PLCXD3: variants seen among roughly 807,000 people sequenced by gnomAD.
The protein encoded by PLCXD3 is PI-PLC X domain-containing protein 3.
In PLCXD3, 19 loss-of-function variants were observed where a neutral mutation model predicts 25.5. The observed-to-expected ratio is 0.75, with a 90% CI of 0.52 to 1.09. The LOEUF (loss-of-function observed/expected upper bound fraction) is 1.09, where lower values mean the gene tolerates loss of function less well. Ranked by LOEUF, PLCXD3 falls within the 50% of genes least tolerant of loss-of-function variation. The pLI is 0.00. For missense variants in PLCXD3, 411 were observed against 388.1 expected (o/e 1.06, Z -0.50); for synonymous variants, 174 against 137.6 (o/e 1.26, Z -1.85).
At chr5:41,360,941 G>T (rs1353986791) in intron 2 of PLCXD3, among the ~76,000 whole-genome samples, 1 of 152,180 alleles carries the variant, frequency 6.6e-6, no homozygotes, top group Non-Finnish European at 1.5e-5. Context: ...GGTTTCTCAG[G>T]CCATGGGAAG....
intron 2 of PLCXD3, among the ~76,000 whole-genome samples, chr5:41,330,795 G>A (rs900338275): frequency 7.2e-4 from 109 of 152,154 alleles, no homozygotes; most frequent in African/African-American, 2.5e-3. Context: ...TTCAATATAT[G>A]CAAATCAATA....
At chr5:41,445,449 G>T (rs1421412532) in intron 1 of PLCXD3, among the ~76,000 whole-genome samples, 1 of 152,080 alleles carries the variant, frequency 6.6e-6, no homozygotes, top group Non-Finnish European at 1.5e-5. Flanking sequence ...TCAAAAAGTG[G>T]GGCATTCAGA....
rs160965 is a variant in PLCXD3 at position 41,376,137 on chromosome 5, A to G, written c.812+5689T>C. ...TCCTGAAAATTCTACCTTACACTCA[A>G]GATGATCACTGTGATGATGAGACTA... On this transcript the variant is annotated intron_variant, in intron 2 of 2. Transcript: ENST00000377801. Among the ~76,000 whole-genome samples, 334 of 152,176 alleles carry G rather than the reference A, an allele frequency of 2.2e-3. 2 individuals are homozygous for G. The highest frequency in any genetic ancestry group is 7.6e-3 in the African/African-American group (316 of 41,536).
intron 1 of PLCXD3, among the ~76,000 whole-genome samples, chr5:41,469,431 A>G (rs1264622173): frequency 1.3e-5 from 2 of 150,888 alleles, no homozygotes; most frequent in African/African-American, 2.4e-5. Context: ...GCTTCAAAAC[A>G]TTTAATATTA....
chr5:41,488,556 G>A (rs1748575178), intron 1 of PLCXD3, among the ~76,000 whole-genome samples: 1 of 140,886 alleles, frequency 7.1e-6, no homozygotes, highest in Non-Finnish European at 1.5e-5. Context: ...CAGTGTAAAA[G>A]TATTCCTATT....
intron 1 of PLCXD3, among the ~76,000 whole-genome samples, chr5:41,414,297 C>T (rs780724426): frequency 4.6e-5 from 7 of 151,816 alleles, no homozygotes; most frequent in Non-Finnish European, 7.4e-5. Flanking sequence ...TGCAATGGCG[C>T]GATCTCGGCT....
intron 1 of PLCXD3, among the ~76,000 whole-genome samples, chr5:41,409,056 G>T (rs1746438879): frequency 6.6e-6 from 1 of 152,174 alleles, no homozygotes; most frequent in African/African-American, 2.4e-5. Flanking sequence ...GAACCCAGTT[G>T]CTTGTGTCAT....
At chr5:41,344,209 G>T (rs994311306) in intron 2 of PLCXD3, among the ~76,000 whole-genome samples, 1 of 152,092 alleles carries the variant, frequency 6.6e-6, no homozygotes. Flanking sequence ...CAGAATAGAA[G>T]AAGACAAAAG....
At chr5:41,462,255 T>C (rs1238319988) in intron 1 of PLCXD3, among the ~76,000 whole-genome samples, 3 of 151,946 alleles carry the variant, frequency 2.0e-5, no homozygotes, top group Non-Finnish European at 4.4e-5. Flanking sequence ...TAGCTAACAT[T>C]TTACACTTAT....
chr5:41,400,066 GACAA>G (rs1412746293), intron 1 of PLCXD3, among the ~76,000 whole-genome samples: 1 of 152,060 alleles, frequency 6.6e-6, no homozygotes, highest in East Asian at 1.9e-4. Context: ...GGCATACAAA[GACAA>G]ACAGGCATGT....
At chr5:41,423,110 CATT>C (rs1415791517) in intron 1 of PLCXD3, among the ~76,000 whole-genome samples, 1 of 151,918 alleles carries the variant, frequency 6.6e-6, no homozygotes, top group Non-Finnish European at 1.5e-5. Context: ...AATATGGTAA[CATT>C]AATAGATATT....
intron 1 of PLCXD3, among the ~76,000 whole-genome samples, chr5:41,476,242 T>G (rs866063298): frequency 1.1e-4 from 16 of 152,204 alleles, no homozygotes; most frequent in African/African-American, 3.9e-4. Context: ...AAAGTTTACA[T>G]AGCAGGCCTG....
At chr5:41,383,069 A>G (rs1391724872) in intron 1 of PLCXD3, among the ~76,000 whole-genome samples, 2 of 152,128 alleles carry the variant, frequency 1.3e-5, no homozygotes, top group African/African-American at 4.8e-5. Context: ...AAGGAGAAAT[A>G]AGACAAGAAG....
intron 2 of PLCXD3, among the ~76,000 whole-genome samples, chr5:41,329,242 T>C (rs937193347): frequency 6.6e-6 from 1 of 152,234 alleles, no homozygotes; most frequent in African/African-American, 2.4e-5. Flanking sequence ...TACTTTCATC[T>C]TTCAGGTGAA....
At chr5:41,404,802 G>GA (rs1238178687) in intron 1 of PLCXD3, among the ~76,000 whole-genome samples, 2 of 152,074 alleles carry the variant, frequency 1.3e-5, no homozygotes, top group African/African-American at 4.8e-5. Flanking sequence ...AAACATCAAA[G>GA]AAAATGTATC....
chr5:41,482,061 T>C (rs1748425973), intron 1 of PLCXD3, among the ~76,000 whole-genome samples: 1 of 151,972 alleles, frequency 6.6e-6, no homozygotes, highest in African/African-American at 2.4e-5. Flanking sequence ...AGTGAAGTTC[T>C]TCAAGATAAC....
chr5:41,386,076 T>A (rs1294870735), intron 1 of PLCXD3, among the ~76,000 whole-genome samples: 1 of 152,098 alleles, frequency 6.6e-6, no homozygotes, highest in Non-Finnish European at 1.5e-5. Flanking sequence ...AATAGTTAAC[T>A]AATACAGGCC....
chr5:41,502,360 AG>A (rs1748971418), intron 1 of PLCXD3, among the ~76,000 whole-genome samples: 1 of 151,970 alleles, frequency 6.6e-6, no homozygotes, highest in Admixed American at 6.6e-5. Context: ...AGTAATTAAT[AG>A]GATAAAATTA....
chr5:41,404,941 A>G (rs1275129453), intron 1 of PLCXD3, among the ~76,000 whole-genome samples: 2 of 152,166 alleles, frequency 1.3e-5, no homozygotes, highest in South Asian at 4.1e-4. Flanking sequence ...CAGTTAAGAT[A>G]AGAACTGCTT....
Sources: gnomAD v4.1 joint callset for allele counts (sites outside exome capture counted in the v4.1 genomes callset) on GRCh38, gnomAD v4.1.1 for gene constraint, MANE v1.5 for transcripts, NCBI Gene and HGNC (gene_info 2026-07-23, HGNC 2026-07-21) for gene names.